Variants in NEGR1 observed in about 807,000 individuals in gnomAD.
NEGR1 encodes the protein IgLON family member 4.
A neutral mutation model predicts 40.9 loss-of-function variants in NEGR1; 10 were observed. The observed-to-expected ratio is 0.24, with a 90% CI of 0.15 to 0.42. The LOEUF (loss-of-function observed/expected upper bound fraction) is 0.42, where lower values mean the gene tolerates loss of function less well. Among genes scored for constraint, NEGR1 ranks in the 10% least tolerant of loss-of-function variants. The pLI, the probability that NEGR1 is intolerant of heterozygous loss-of-function variation, is 1.00. For synonymous variants in NEGR1, 185 were observed against 166.8 expected, an observed-to-expected ratio of 1.11 and a Z score of -0.84; for missense variants, 352 against 438.9, an observed-to-expected ratio of 0.80 and a Z score of 1.77.
chr1:71,970,736 T>A (rs1646249532), intron 1 of NEGR1, among the ~76,000 whole-genome samples: 1 of 152,128 alleles, frequency 6.6e-6, no homozygotes, highest in African/African-American at 2.4e-5. Flanking sequence ...CTATGTCACA[T>A]GACCTTGGGC....
At chr1:71,550,046 C>A (rs142339935) in intron 6 of NEGR1, among the ~76,000 whole-genome samples, 4 of 151,702 alleles carry the variant, frequency 2.6e-5, no homozygotes, top group African/African-American at 9.6e-5. Context: ...TAAAAGTAAG[C>A]TATGTTATAA....
In NEGR1 at chr1:71,971,299, C is replaced by CT. The variant is rs1422335984; in HGVS notation, c.177-35989dup. On this transcript the variant is annotated intron_variant, in intron 1 of 6. Transcript: ENST00000357731. The stretch of plus-strand genomic sequence containing the variant: ...AATATTTGTTTTTGTTTTGCTTTTT[C>CT]TTTTTTTTTAAGCTGCCAGTTTATG... Among the ~76,000 whole-genome samples the CT allele has an allele frequency of 2.6e-5, 4 of 151,294 alleles. No individual in the cohort carries two copies. In the South Asian group the frequency reaches 6.3e-4, roughly 24 times the overall value.
intron 1 of NEGR1, among the ~76,000 whole-genome samples, chr1:72,088,161 T>C (rs1438699126): frequency 6.6e-6 from 1 of 152,178 alleles, no homozygotes; most frequent in Non-Finnish European, 1.5e-5. Context: ...GCTACTCCTA[T>C]TAATCATCAT....
intron 5 of NEGR1, among the ~76,000 whole-genome samples, chr1:71,596,666 A>G (rs1010260858): frequency 1.3e-5 from 2 of 152,160 alleles, no homozygotes; most frequent in South Asian, 2.1e-4. Flanking sequence ...GCTACACTGG[A>G]CCTCATTCAT....
At chr1:71,657,414 T>G (rs1651914411) in intron 4 of NEGR1, among the ~76,000 whole-genome samples, 1 of 152,238 alleles carries the variant, frequency 6.6e-6, no homozygotes, top group African/African-American at 2.4e-5. Context: ...GAATGCTCAC[T>G]TTTTCATTGC....
In NEGR1 at chr1:71,547,404, A is replaced by T. The variant is rs187134123; in HGVS notation, c.940+45413T>A. ...GCAATTTAGCAAAGTTACCGGAGTG[A>T]AAAAGGGATAGGCTGTTTCTGCTCA... On this transcript the variant is annotated intron_variant, in intron 6 of 6. Transcript: ENST00000357731. Among the ~76,000 whole-genome samples, 4 of 151,570 alleles carry T rather than the reference A, an allele frequency of 2.6e-5. No individual in the cohort carries two copies. In the East Asian group the frequency reaches 7.8e-4, roughly 30 times the overall value.
At chr1:71,521,849 G>C (rs1013937807) in intron 6 of NEGR1, among the ~76,000 whole-genome samples, 2 of 151,974 alleles carry the variant, frequency 1.3e-5, no homozygotes, top group African/African-American at 4.8e-5. Flanking sequence ...ATATAGCCCA[G>C]AGGTGCCACC....
At chr1:71,643,237 C>T (rs1651415904) in intron 4 of NEGR1, among the ~76,000 whole-genome samples, 1 of 151,928 alleles carries the variant, frequency 6.6e-6, no homozygotes, top group African/African-American at 2.4e-5. Context: ...TTAGGCTTGT[C>T]AACATATCTA....
intron 4 of NEGR1, among the ~76,000 whole-genome samples, chr1:71,654,443 T>C (rs1651816659): frequency 6.6e-6 from 1 of 152,166 alleles, no homozygotes; most frequent in African/African-American, 2.4e-5. Flanking sequence ...AGAGGGAGCA[T>C]ATGAAGACTC....
chr1:72,155,966 AG>A (rs1651341308), intron 1 of NEGR1, among the ~76,000 whole-genome samples: 1 of 152,116 alleles, frequency 6.6e-6, no homozygotes, highest in South Asian at 2.1e-4. Context: ...TCCAAGAAAC[AG>A]GGTGGTCTGC....
intron 5 of NEGR1, among the ~76,000 whole-genome samples, chr1:71,608,429 T>C (rs1278839093): frequency 4.0e-5 from 6 of 150,610 alleles, no homozygotes; most frequent in African/African-American, 1.5e-4. Context: ...GCTATGATTG[T>C]GGGCACCAAT....
chr1:71,962,165 C>T (rs1557457357), intron 1 of NEGR1, among the ~76,000 whole-genome samples: 1 of 152,052 alleles, frequency 6.6e-6, no homozygotes, highest in Non-Finnish European at 1.5e-5. Context: ...TCTATTATTA[C>T]ACCCTCTTTC....
chr1:71,903,056 T>C (rs184648008), intron 2 of NEGR1, among the ~76,000 whole-genome samples: 1 of 151,972 alleles, frequency 6.6e-6, no homozygotes, highest in African/African-American at 2.4e-5. Flanking sequence ...TTCAGTTTTA[T>C]CATAGGGATT....
chr1:72,000,119 C>T (rs989232988), intron 1 of NEGR1, among the ~76,000 whole-genome samples: 9 of 152,112 alleles, frequency 5.9e-5, no homozygotes, highest in Admixed American at 3.3e-4. Context: ...CCAACTTATT[C>T]TGAAAACTGG....
At chr1:71,554,791 C>T (rs1388138324) in intron 6 of NEGR1, among the ~76,000 whole-genome samples, 1 of 151,360 alleles carries the variant, frequency 6.6e-6, no homozygotes, top group Non-Finnish European at 1.5e-5. Flanking sequence ...TAGATTTCAC[C>T]AATTAGGTTG....
intron 1 of NEGR1, among the ~76,000 whole-genome samples, chr1:71,986,207 T>TTAATCCTCTAAATCCCAACAA (rs1646392464): frequency 6.6e-6 from 1 of 152,126 alleles, no homozygotes; most frequent in Non-Finnish European, 1.5e-5. Flanking sequence ...TACAAAAACA[T>TTAATCCTCTAAATCCCAACAA]TTAATCCTCT....
At chr1:72,014,577 T>A (rs1425553116) in intron 1 of NEGR1, among the ~76,000 whole-genome samples, 1 of 152,044 alleles carries the variant, frequency 6.6e-6, no homozygotes, top group Non-Finnish European at 1.5e-5. Context: ...GTACATAGCA[T>A]AACATGTAAA....
intron 2 of NEGR1, among the ~76,000 whole-genome samples, chr1:71,812,278 T>A (rs577010921): frequency 6.6e-6 from 1 of 152,286 alleles, no homozygotes. Context: ...GTACCACATT[T>A]TCTTTATCCA....
chr1:71,698,349 C>T (rs1485076785), intron 3 of NEGR1, among the ~76,000 whole-genome samples: 1 of 151,776 alleles, frequency 6.6e-6, no homozygotes, highest in Non-Finnish European at 1.5e-5. Flanking sequence ...AACTATTTCC[C>T]CAGAACAGGA....
Sources: gnomAD v4.1 joint callset for allele counts (sites outside exome capture counted in the v4.1 genomes callset) on GRCh38, gnomAD v4.1.1 for gene constraint, MANE v1.5 for transcripts, NCBI Gene and HGNC (gene_info 2026-07-23, HGNC 2026-07-21) for gene names.